The following LRTM3 variants were observed in gnomAD, a reference collection of about 807,000 sequenced individuals.
LRTM3 encodes the protein leucine-rich repeat transmembrane protein 3.
the LRTM3 span, chr13:102,733,089 C>T: frequency 1.3e-6 from 2 of 1,551,486 alleles, no homozygotes; most frequent in South Asian, 1.2e-5. Context: ...TTCTTGTCCA[C>T]ATCTGTTTCC....
At chr13:102,730,436 G>A in the LRTM3 span, 1 of 1,551,054 alleles carries the variant, frequency 6.4e-7, no homozygotes, top group Admixed American at 2.0e-5. Context: ...AGCTGAACCA[G>A]TAGCATTTCT....
At chr13:102,731,637 G>A in the LRTM3 span, 1 of 1,551,392 alleles carries the variant, frequency 6.4e-7, no homozygotes. Context: ...TTTTTAACCT[G>A]GGACTCAGAG....
At chr13:102,735,146 T>C in the LRTM3 span, 2 of 1,551,318 alleles carry the variant, frequency 1.3e-6, no homozygotes, top group Non-Finnish European at 8.7e-7. Flanking sequence ...CTCCTCTTGC[T>C]CTCTAGTTTT....
chr13:102,755,882 T>C, the LRTM3 span, among the ~76,000 whole-genome samples: 4 of 147,166 alleles, frequency 2.7e-5, no homozygotes, highest in African/African-American at 1.0e-4. Context: ...AGTTTATATA[T>C]ATATGTATAC....
At chr13:102,748,191 C>A in the LRTM3 span, 1 of 1,551,030 alleles carries the variant, frequency 6.4e-7, no homozygotes, top group Non-Finnish European at 8.7e-7. Flanking sequence ...TCAGACGTTT[C>A]TTTATCTTGA....
chr13:102,745,656 T>A, the LRTM3 span: 1 of 1,551,016 alleles, frequency 6.4e-7, no homozygotes, highest in South Asian at 1.2e-5. Context: ...AAAGCAGGCA[T>A]GCAGGAACCA....
chr13:102,743,634 G>T, the LRTM3 span: 2 of 1,549,340 alleles, frequency 1.3e-6, no homozygotes, highest in East Asian at 4.9e-5. Context: ...AAAGTTGCAG[G>T]TGAGTTTTCT....
the LRTM3 span, chr13:102,733,873 G>T: frequency 1.3e-6 from 2 of 1,551,270 alleles, no homozygotes; most frequent in Non-Finnish European, 1.7e-6. Flanking sequence ...GCTTAACAAC[G>T]TTTTTATCAA....
At chr13:102,734,880 C>T in the LRTM3 span, 2 of 1,551,094 alleles carry the variant, frequency 1.3e-6, no homozygotes, top group South Asian at 1.2e-5. Flanking sequence ...TGCACGTCAT[C>T]CTCTTCCTTG....
chr13:102,746,539 T>C, the LRTM3 span: 11 of 1,550,948 alleles, frequency 7.1e-6, 1 homozygote, highest in Admixed American at 2.2e-4. Context: ...CTGATTTCTT[T>C]CTGTGGCTTG....
chr13:102,734,323 A>G, the LRTM3 span: 1 of 1,551,380 alleles, frequency 6.4e-7, no homozygotes, highest in Non-Finnish European at 8.7e-7. Flanking sequence ...GTGGAAGTAC[A>G]AAGGATGTCT....
the LRTM3 span, chr13:102,743,940 C>A: frequency 7.7e-6 from 12 of 1,550,472 alleles, no homozygotes; most frequent in Non-Finnish European, 9.6e-6. Context: ...TCTTGTACCT[C>A]TTCCTTTTCC....
At chr13:102,745,733 ATACCAC>A in the LRTM3 span, 1 of 1,551,166 alleles carries the variant, frequency 6.4e-7, no homozygotes, top group Non-Finnish European at 8.7e-7. Context: ...ATCAGATGAG[ATACCAC>A]CTTCTCTTGC....
the LRTM3 span, chr13:102,734,348 T>C: frequency 6.4e-7 from 1 of 1,551,420 alleles, no homozygotes; most frequent in Non-Finnish European, 8.7e-7. Flanking sequence ...TCCAAGCCTT[T>C]CTTCATCTGC....
At chr13:102,742,198 C>T in the LRTM3 span, 1 of 1,550,560 alleles carries the variant, frequency 6.4e-7, no homozygotes. Flanking sequence ...ACTTCTGCTG[C>T]TGGATGTTAC....
At chr13:102,753,802 A>T in the LRTM3 span, among the ~76,000 whole-genome samples, 366 of 152,298 alleles carry the variant, frequency 2.4e-3, 2 homozygotes, top group Middle Eastern at 6.8e-3. Context: ...GATGATCATG[A>T]TGTCTACTCT....
chr13:102,731,005 G>T, the LRTM3 span: 1 of 1,551,454 alleles, frequency 6.4e-7, no homozygotes, highest in Non-Finnish European at 8.7e-7. Flanking sequence ...TTCTGGGAAA[G>T]GCTTTCATTT....
At chr13:102,740,940 C>T in the LRTM3 span, 12 of 1,549,956 alleles carry the variant, frequency 7.7e-6, no homozygotes, top group African/African-American at 9.6e-5. Flanking sequence ...TCTTTTCTTC[C>T]TTTAATATTC....
chr13:102,736,303 C>T, the LRTM3 span: 1 of 1,551,082 alleles, frequency 6.4e-7, no homozygotes, highest in South Asian at 1.2e-5. Context: ...GCTCCTTTCT[C>T]TTACTCAGAG....
Sources: gnomAD v4.1 joint callset for allele counts (sites outside exome capture counted in the v4.1 genomes callset) on GRCh38, gnomAD v4.1.1 for gene constraint, MANE v1.5 for transcripts, NCBI Gene and HGNC (gene_info 2026-07-23, HGNC 2026-07-21) for gene names.